Variants in KDM5A observed in about 807,000 individuals in gnomAD.
KDM5A encodes the protein lysine demethylase 5A.
KDM5A carries 42 observed loss-of-function variants against 193.5 expected under a neutral mutation model. The observed-to-expected ratio is 0.22, with a 90% CI of 0.17 to 0.28. The LOEUF is 0.28. Ranked by LOEUF, KDM5A falls within the 10% of genes least tolerant of loss-of-function variation. KDM5A has a pLI of 1.00. For synonymous variants in KDM5A, 796 were observed against 718.1 expected, an observed-to-expected ratio of 1.11 and a Z score of -1.73; for missense variants, 1,692 against 2,055.1, an observed-to-expected ratio of 0.82 and a Z score of 3.42.
intron 3 of KDM5A, among the ~76,000 whole-genome samples, chr12:375,604 T>C (rs1443045146): frequency 1.3e-5 from 2 of 152,226 alleles, no homozygotes; most frequent in Non-Finnish European, 2.9e-5. Context: ...CCAGCTTTGT[T>C]CCGTTGCTGG....
rs370954130 is a variant in KDM5A, at chr12:306,926, C to T, written c.4074+20G>A. The T allele has an allele frequency of 1.9e-6, 3 of 1,610,310 alleles. No homozygotes were observed. Among genetic ancestry groups the T allele is most frequent in the Non-Finnish European group, 2.5e-6 (3 of 1,177,894 alleles). The stretch of plus-strand genomic sequence containing the variant: ...CCCAATGATCAGGTATGTACCCACA[C>T]AGCTTGTCCATGTAACTACCTTCAT... On this transcript the variant is annotated intron_variant, in intron 24 of 27. Transcript: ENST00000399788.
At chr12:365,813 T>C (rs1322676051) in intron 4 of KDM5A, 121 bp downstream of exon 4, 2 of 796,904 alleles carry the variant, frequency 2.5e-6, no homozygotes, top group Non-Finnish European at 4.4e-6. Flanking sequence ...TTTTACACTA[T>C]GATATACACT....
At chr12:291,952 G>T (rs903552977) in intron 27 of KDM5A, among the ~76,000 whole-genome samples, 2 of 150,038 alleles carry the variant, frequency 1.3e-5, no homozygotes, top group Non-Finnish European at 3.0e-5. Context: ...GCCCAGGCTG[G>T]AGCACAATGG....
chr12:352,072 C>A, intron 9 of KDM5A, 133 bp downstream of exon 9: 1 of 803,986 alleles, frequency 1.2e-6, no homozygotes, highest in Non-Finnish European at 2.0e-6. Flanking sequence ...CCACTGCACT[C>A]CAGCCTGGGC....
At chr12:319,946 G>A (rs1157482158) in intron 18 of KDM5A, among the ~76,000 whole-genome samples, 3 of 151,938 alleles carry the variant, frequency 2.0e-5, no homozygotes, top group Admixed American at 6.6e-5. Flanking sequence ...CAGAAGTGGG[G>A]GCACCTGAAG....
intron 26 of KDM5A, among the ~76,000 whole-genome samples, chr12:295,136 G>A (rs949609130): frequency 6.6e-6 from 1 of 151,630 alleles, no homozygotes; most frequent in African/African-American, 2.4e-5. Context: ...GCCCTTCCCC[G>A]CTTCTTTTTA....
intron 13 of KDM5A, among the ~76,000 whole-genome samples, chr12:329,639 A>G (rs1943837229): frequency 6.6e-6 from 1 of 152,176 alleles, no homozygotes; most frequent in African/African-American, 2.4e-5. Flanking sequence ...TGGCAGAAAG[A>G]TAATTCAAAG....
At position 280,225 on chromosome 12, in the gene KDM5A, CAAT is replaced by C. The variant is rs1380738354; in HGVS notation, c.*5228_*5230del. 4.3e-6 allele frequency: 1 copy of C among 232,624 alleles called. No homozygotes were observed. The highest frequency in any genetic ancestry group is 6.0e-5 in the East Asian group (1 of 16,546). The allele number at this position is 232,624 out of a possible 1,614,324, so 14.4% of individuals were successfully genotyped here. On this transcript the variant is annotated 3_prime_UTR_variant, in exon 28 of 28. Transcript: ENST00000399788. ...CTGTTCCCTACTTTTACAATGTGTA[CAAT>C]GTTTCACCATGTTCCAATTAATGGT...
chr12:381,631 A>G (rs995778079), intron 3 of KDM5A, among the ~76,000 whole-genome samples: 2 of 152,172 alleles, frequency 1.3e-5, no homozygotes, highest in East Asian at 1.9e-4. Context: ...AGGTTTTCAT[A>G]TAACTATACT....
At chr12:302,099 A>G (rs900689557) in intron 24 of KDM5A, among the ~76,000 whole-genome samples, 1 of 152,242 alleles carries the variant, frequency 6.6e-6, no homozygotes, top group African/African-American at 2.4e-5. Context: ...CATACTGCCC[A>G]AAGTAATTTA....
intron 4 of KDM5A, among the ~76,000 whole-genome samples, chr12:365,259 G>T (rs1201843975): frequency 6.6e-6 from 1 of 152,084 alleles, no homozygotes; most frequent in East Asian, 1.9e-4. Context: ...TCACCATGAT[G>T]CCCAGGCTGG....
At chr12:331,181 G>T (rs906071205) in intron 13 of KDM5A, among the ~76,000 whole-genome samples, 1 of 152,030 alleles carries the variant, frequency 6.6e-6, no homozygotes, top group African/African-American at 2.4e-5. Flanking sequence ...ACAGAGCTAC[G>T]TATTTGAAAA....
intron 14 of KDM5A, 86 bp from the exon 15 acceptor site, chr12:323,867 A>T: frequency 9.6e-7 from 1 of 1,046,556 alleles, no homozygotes; most frequent in Non-Finnish European, 1.5e-6. Context: ...TTTTCTATAG[A>T]CAAATCTCTG....
intron 24 of KDM5A, among the ~76,000 whole-genome samples, chr12:301,209 G>A (rs760009956): frequency 1.6e-4 from 24 of 152,080 alleles, no homozygotes; most frequent in African/African-American, 3.9e-4. Flanking sequence ...AACAAAACCC[G>A]GCAGAGACAC....
At chr12:290,144 T>G (rs1230430351) in intron 27 of KDM5A, among the ~76,000 whole-genome samples, 1 of 152,122 alleles carries the variant, frequency 6.6e-6, no homozygotes, top group African/African-American at 2.4e-5. Context: ...CTTATTTTGC[T>G]CTAAAGATGT....
chr12:333,766 G>A lies in KDM5A; in HGVS notation c.1491-117C>T, dbSNP rs1037175167. The A allele has an allele frequency of 2.9e-5, 29 of 990,804 alleles. No homozygotes were observed. The African/African-American group carries it at 4.1e-4, about 14-fold the overall frequency. The allele number at this position is 990,804 out of a possible 1,614,324, so 61.4% of individuals were successfully genotyped here. ...GTCTTATTCCATGGTCAGATTATAT[G>A]CCCTGAATTCTGGCAACCATCTTAT... On this transcript the variant is annotated intron_variant, in intron 11 of 27. Transcript: ENST00000399788.
rs1011201721 is a variant in KDM5A, at chr12:283,049, C to T, written c.*2407G>A. On this transcript the variant is annotated 3_prime_UTR_variant, in exon 28 of 28. Coordinates refer to ENST00000399788, the MANE Select transcript of KDM5A (RefSeq NM_001042603.3). ...GAAAAGACATATTTAAGTTTCAAAA[C>T]GTCAGAAGGTGACAGGAAGCTATTC... 12 of 231,250 alleles carry T rather than the reference C, an allele frequency of 5.2e-5. No individual in the cohort carries two copies. The highest frequency in any genetic ancestry group is 2.4e-4 in the African/African-American group (11 of 45,240). 14.3% of individuals were successfully genotyped at this position (231,250 alleles called of 1,614,324 possible).
intron 14 of KDM5A, among the ~76,000 whole-genome samples, chr12:328,130 G>T (rs1352468659): frequency 6.6e-6 from 1 of 152,196 alleles, no homozygotes; most frequent in Non-Finnish European, 1.5e-5. Context: ...GGTATATACA[G>T]AGTCAAAACT....
intron 8 of KDM5A, among the ~76,000 whole-genome samples, chr12:353,505 A>G (rs1935477168): frequency 6.6e-6 from 1 of 152,192 alleles, no homozygotes; most frequent in African/African-American, 2.4e-5. Flanking sequence ...TATTTATTCT[A>G]AGTCAAGTCT....
Sources: allele counts gnomAD v4.1 joint callset (sites outside exome capture counted in the v4.1 genomes callset), GRCh38; gene constraint gnomAD v4.1.1; transcripts MANE v1.5; gene names NCBI Gene and HGNC (gene_info 2026-07-23, HGNC 2026-07-21).